The following AURKA variants were observed in gnomAD, a reference collection of about 807,000 sequenced individuals.
The protein encoded by AURKA is aurora 2.
AURKA carries 12 observed loss-of-function variants against 40.9 expected under a neutral mutation model. The ratio of observed to expected loss-of-function variants is 0.29; its 90% CI spans 0.19 to 0.48. The LOEUF is 0.48. AURKA is among the 20% of genes least tolerant of loss of function. The pLI, the probability that AURKA is intolerant of heterozygous loss-of-function variation, is 0.99. For missense variants in AURKA, 322 were observed against 462.1 expected (o/e 0.70, Z 2.78); for synonymous variants, 170 against 164.3 (o/e 1.03, Z -0.26).
In AURKA at chr20:56,388,158, T is replaced by TA. The variant is rs1306329170; in HGVS notation, c.39dup (p.Lys14Ter). The TA allele has an allele frequency of 4.5e-6, 2 of 441,406 alleles. No individual in the cohort carries two copies. The highest frequency in any genetic ancestry group is 6.4e-6 in the Non-Finnish European group (2 of 314,690). The allele number at this position is 441,406 out of a possible 1,614,324, so 27.3% of individuals were successfully genotyped here. ...AGATTACAGATTATTCAATTTACCT[T>TA]AACAGGTCCTGAAATGCAGTTTTCT... On this transcript the variant is annotated frameshift_variant, in exon 2 of 9. Transcript: ENST00000395915. LOFTEE classifies it high-confidence loss of function.
intron 6 of AURKA, among the ~76,000 whole-genome samples, chr20:56,377,607 C>T (rs1018032786): frequency 1.3e-5 from 2 of 151,816 alleles, no homozygotes; most frequent in Admixed American, 6.6e-5. Context: ...GCCAACATGG[C>T]GAAACCCCAT....
intron 1 of AURKA, chr20:56,388,798 G>A (rs1986700765): frequency 6.5e-6 from 1 of 154,554 alleles, no homozygotes; most frequent in South Asian, 2.0e-4. Flanking sequence ...TGGGAAAAGA[G>A]CGAGACTTCG....
intron 1 of AURKA, among the ~76,000 whole-genome samples, chr20:56,390,096 C>T (rs1345875535): frequency 6.6e-6 from 1 of 152,136 alleles, no homozygotes; most frequent in Non-Finnish European, 1.5e-5. Context: ...ATGCAAACTC[C>T]TAACCTGCAT....
intron 3 of AURKA, 51 bp from the exon 4 acceptor site, chr20:56,384,375 G>A: frequency 1.5e-6 from 2 of 1,378,494 alleles, no homozygotes; most frequent in Non-Finnish European, 1.0e-6. Flanking sequence ...TATAGGATAA[G>A]CTAAGCTGTG....
intron 7 of AURKA, among the ~76,000 whole-genome samples, chr20:56,371,258 C>T (rs757417486): frequency 1.3e-5 from 2 of 152,052 alleles, no homozygotes; most frequent in Non-Finnish European, 1.5e-5. Flanking sequence ...GTCAGGAGAT[C>T]GAGACCATCC....
chr20:56,388,392 T>C, intron 1 of AURKA, 190 bp from the exon 2 acceptor site: 1 of 622,786 alleles, frequency 1.6e-6, no homozygotes. Context: ...AACCTCCCCT[T>C]GGGCACTGCG....
In AURKA at chr20:56,388,683, T is replaced by G. The variant is rs6024846; in HGVS notation, c.-5-481A>C. On this transcript the variant is annotated intron_variant, in intron 1 of 8. Coordinates refer to ENST00000395915, the MANE Select transcript of AURKA (RefSeq NM_198437.3). ...AAAACTTAGCTGAGCGTGGTGGCAG[T>G]CACCTGTAATCCCAGCTACTCGGGA... 0.43 allele frequency: 74,747 copies of G among 174,890 alleles called. 19,504 individuals carry two copies. Among genetic ancestry groups the G allele is most frequent in the African/African-American group, 0.74 (30,840 of 41,834 alleles). 10.8% of individuals were successfully genotyped at this position (174,890 alleles called of 1,614,324 possible).
chr20:56,384,700 G>A (rs947872413), intron 3 of AURKA, among the ~76,000 whole-genome samples: 5 of 152,036 alleles, frequency 3.3e-5, no homozygotes, highest in African/African-American at 7.3e-5. Context: ...CCCCTTACTA[G>A]GTGGGCCAGC....
intron 6 of AURKA, among the ~76,000 whole-genome samples, chr20:56,379,685 G>C (rs1271171829): frequency 1.3e-5 from 2 of 152,192 alleles, no homozygotes; most frequent in Admixed American, 1.3e-4. Context: ...TACAAGGCCA[G>C]GCGTGGTGGC....
intron 3 of AURKA, 57 bp from the exon 4 acceptor site, chr20:56,384,381 C>G: frequency 3.8e-6 from 5 of 1,308,206 alleles, no homozygotes; most frequent in Non-Finnish European, 5.5e-6. Context: ...ATAAGCTAAG[C>G]TGTGAATAGA....
chr20:56,380,970 T>A (rs1985632263), intron 6 of AURKA, among the ~76,000 whole-genome samples: 1 of 152,176 alleles, frequency 6.6e-6, no homozygotes, highest in African/African-American at 2.4e-5. Context: ...CTGTACTGCC[T>A]TCACAATTTC....
In AURKA at chr20:56,370,036, A is replaced by T; in HGVS notation, c.*122T>A. ...AAGGCACACCTGCTGAGTAAAACAA[A>T]TATTTCTTGTGTAGCGTTCTAGATT... On this transcript the variant is annotated 3_prime_UTR_variant, in exon 9 of 9. Coordinates refer to ENST00000395915, the MANE Select transcript of AURKA (RefSeq NM_198437.3). 1 of 1,286,094 alleles carries T rather than the reference A, an allele frequency of 7.8e-7. No individual in the cohort carries two copies. Among genetic ancestry groups the T allele is most frequent in the East Asian group, 2.3e-5 (1 of 43,310 alleles). 79.7% of individuals were successfully genotyped at this position (1,286,094 alleles called of 1,614,324 possible).
At chr20:56,375,911 T>C (rs1272146403) in intron 6 of AURKA, among the ~76,000 whole-genome samples, 2 of 152,244 alleles carry the variant, frequency 1.3e-5, no homozygotes, top group Non-Finnish European at 2.9e-5. Flanking sequence ...ACAATTAGTT[T>C]TATTTGAATT....
At chr20:56,390,078 T>C (rs960123404) in intron 1 of AURKA, among the ~76,000 whole-genome samples, 1 of 152,096 alleles carries the variant, frequency 6.6e-6, no homozygotes, top group Non-Finnish European at 1.5e-5. Flanking sequence ...CCCAACTCAA[T>C]CAAAACAATG....
Position 56,370,103 on chromosome 20 carries a change from TC to T in AURKA, c.*54del. ...GGTAAAATAAACTTCAGTAGCATGT[TC>T]CTGTCAGGTTATATGGCAGCCCTGG... is the stretch of plus-strand genomic sequence containing the variant. On this transcript the variant is annotated 3_prime_UTR_variant, in exon 9 of 9. Coordinates refer to ENST00000395915, the MANE Select transcript of AURKA (RefSeq NM_198437.3). The T allele has an allele frequency of 8.8e-6, 14 of 1,593,634 alleles. No individual in the cohort carries two copies. The highest frequency in any genetic ancestry group is 1.2e-5 in the Non-Finnish European group (14 of 1,163,126).
In AURKA at chr20:56,386,325, A is replaced by G. The variant is rs45533839; in HGVS notation, c.251T>C (p.Val84Ala). 4.0e-5 allele frequency: 64 copies of G among 1,614,220 alleles called. No individual in the cohort carries two copies. In the East Asian group the frequency reaches 1.3e-3, roughly 34 times the overall value. The change falls in exon 3 of 9, where the codon GTA becomes GCA. Residue 84 changes from valine to alanine, a missense_variant. Val to Ala is a moderately conservative substitution (Grantham distance 64). Coordinates refer to ENST00000395915, the MANE Select transcript of AURKA (RefSeq NM_198437.3). ...QKQKQLQATS[V>A]PHPVSRPLNN... Reference sequence around the variant, plus strand: ...CAGTGGCCTGGAGACAGGATGAGGTACACTGGTTGCCTGCAATTGCTTCTG... The same window carrying G: ...CAGTGGCCTGGAGACAGGATGAGGTGCACTGGTTGCCTGCAATTGCTTCTG...
At chr20:56,370,412 C>A (rs889118390) in intron 8 of AURKA, 72 bp from the exon 9 acceptor site, 2 of 1,613,598 alleles carry the variant, frequency 1.2e-6, no homozygotes, top group African/African-American at 2.7e-5. Context: ...ATGTTCGGAT[C>A]TTGGCCTGCA....
At chr20:56,389,485 T>G (rs910502725) in intron 1 of AURKA, among the ~76,000 whole-genome samples, 3 of 152,106 alleles carry the variant, frequency 2.0e-5, no homozygotes, top group Non-Finnish European at 2.9e-5. Context: ...CTAGAATGAC[T>G]TCTCCATCTC....
At chr20:56,384,353 TTAGAA>T in intron 3 of AURKA, 29 bp from the exon 4 acceptor site, 3 of 1,514,706 alleles carry the variant, frequency 2.0e-6, no homozygotes, top group Non-Finnish European at 2.7e-6. Context: ...AAACCTGTTT[TTAGAA>T]TAACTATATA....
Sources: gnomAD v4.1 joint callset for allele counts (sites outside exome capture counted in the v4.1 genomes callset) on GRCh38, gnomAD v4.1.1 for gene constraint, MANE v1.5 for transcripts, NCBI Gene and HGNC (gene_info 2026-07-23, HGNC 2026-07-21) for gene names.